SUGP1: variants seen among roughly 807,000 people sequenced by gnomAD.
The protein encoded by SUGP1 is SURP and G-patch domain-containing protein 1.
A neutral mutation model predicts 76.5 loss-of-function variants in SUGP1; 34 were observed. The observed-to-expected ratio is 0.44, with a 90% CI of 0.34 to 0.59. The LOEUF (loss-of-function observed/expected upper bound fraction) is 0.59. Among genes scored for constraint, SUGP1 ranks in the 20% least tolerant of loss-of-function variants. The pLI, the probability that SUGP1 is intolerant of heterozygous loss-of-function variation, is 0.01. For synonymous variants in SUGP1, 326 were observed against 326.2 expected, an observed-to-expected ratio of 1.00 and a Z score of 0.01; for missense variants, 752 against 851.7, an observed-to-expected ratio of 0.88 and a Z score of 1.46.
rs953209121 is a variant in SUGP1, at chr19:19,310,058, T to C, written c.310+39A>G. 1.9e-6 allele frequency: 3 copies of C among 1,550,704 alleles called. No homozygotes were observed. The African/African-American group carries it at 4.1e-5, about 21-fold the overall frequency. Reference sequence around the variant, plus strand: ...TGTGCCCAGCAACCCCAGGGGGAGATGCAAGGACAGCACAAGGAAAGGGGA... The same window carrying C: ...TGTGCCCAGCAACCCCAGGGGGAGACGCAAGGACAGCACAAGGAAAGGGGA... On this transcript the variant is annotated intron_variant, in intron 3 of 13. Coordinates refer to ENST00000247001, the MANE Select transcript of SUGP1 (RefSeq NM_172231.4).
chr19:19,308,687 C>A (rs1163732834), intron 3 of SUGP1, among the ~76,000 whole-genome samples: 1 of 152,238 alleles, frequency 6.6e-6, no homozygotes, highest in Non-Finnish European at 1.5e-5. Flanking sequence ...ACCTGCTCAC[C>A]CCTGCTGGTG....
intron 7 of SUGP1, among the ~76,000 whole-genome samples, chr19:19,298,359 G>A (rs369733798): frequency 3.9e-5 from 6 of 152,268 alleles, no homozygotes; most frequent in African/African-American, 1.4e-4. Context: ...TTAGCTGGGC[G>A]TGGTGGTACA....
intron 3 of SUGP1, among the ~76,000 whole-genome samples, chr19:19,309,648 C>T (rs184698565): frequency 2.6e-5 from 4 of 152,272 alleles, no homozygotes; most frequent in African/African-American, 9.6e-5. Context: ...CAGTGGCTCA[C>T]GCCTGTAATC....
intron 7 of SUGP1, among the ~76,000 whole-genome samples, chr19:19,298,070 T>A (rs189934420): frequency 7.2e-5 from 11 of 152,316 alleles, no homozygotes; most frequent in Non-Finnish European, 1.5e-4. Flanking sequence ...TGAATGCATG[T>A]ACAGCCCTGA....
At chr19:19,277,196 GCA>G in intron 12 of SUGP1, 120 bp from the exon 13 acceptor site, 1 of 967,226 alleles carries the variant, frequency 1.0e-6, no homozygotes, top group Admixed American at 3.2e-5. Context: ...GGACATATCT[GCA>G]CAGAGAGAAG....
intron 8 of SUGP1, among the ~76,000 whole-genome samples, chr19:19,281,766 A>G (rs540188507): frequency 9.8e-5 from 15 of 152,326 alleles, no homozygotes; most frequent in African/African-American, 3.4e-4. Context: ...GTGGGGCACC[A>G]TATGACATGA....
intron 8 of SUGP1, among the ~76,000 whole-genome samples, chr19:19,290,302 T>C (rs1461769786): frequency 2.0e-5 from 3 of 152,144 alleles, no homozygotes; most frequent in Admixed American, 6.5e-5. Context: ...CAAGGAGAAC[T>C]GAGTGTGCTT....
intron 7 of SUGP1, among the ~76,000 whole-genome samples, chr19:19,301,363 T>C (rs533037412): frequency 1.5e-3 from 235 of 152,222 alleles, no homozygotes; most frequent in Non-Finnish European, 2.6e-3. Flanking sequence ...CCAGCCCCCA[T>C]GTTCCCTCAG....
chr19:19,316,498 G>A lies in SUGP1; in HGVS notation c.130C>T (p.Arg44Trp), dbSNP rs773051132. Residue 44 changes from arginine to tryptophan, a missense_variant, in exon 2 of 14, where the codon CGG becomes TGG. Arg to Trp is a moderately radical substitution (Grantham distance 101). Transcript: ENST00000247001. Reference protein sequence around the residue: ...HQEELIAQKKREIEAKMEQKA... With the variant: ...HQEELIAQKKWEIEAKMEQKA... The stretch of plus-strand genomic sequence containing the variant: ...TGTTCCATTTTGGCTTCAATTTCCC[G>A]TTTCTTCTGAGCGATGAGCTCTTCC... 2.2e-5 allele frequency: 36 copies of A among 1,613,662 alleles called. No individual in the cohort carries two copies. Among genetic ancestry groups the A allele is most frequent in the South Asian group, 3.3e-5 (3 of 91,074 alleles).
At chr19:19,308,149 GC>G (rs1391859682) in intron 3 of SUGP1, among the ~76,000 whole-genome samples, 2 of 152,034 alleles carry the variant, frequency 1.3e-5, no homozygotes, top group Admixed American at 6.6e-5. Context: ...ACCCATCTCA[GC>G]CCCCCCATTA....
At chr19:19,306,977 C>T (rs942613819) in intron 3 of SUGP1, among the ~76,000 whole-genome samples, 1 of 152,102 alleles carries the variant, frequency 6.6e-6, no homozygotes, top group Non-Finnish European at 1.5e-5. Context: ...AATTGGCCAG[C>T]TCACCACCCT....
intron 3 of SUGP1, among the ~76,000 whole-genome samples, chr19:19,308,714 G>A (rs968157712): frequency 6.6e-6 from 1 of 152,248 alleles, no homozygotes; most frequent in Admixed American, 6.5e-5. Context: ...AGCTGACCCA[G>A]CTTGGGGATG....
rs564662328 is a variant in SUGP1, at chr19:19,296,708, C to T, written c.1243+281G>A. ...CAGAATTGCAATAGGCCCAGCAATT[C>T]CACACCTAGGTATACCGACAAGAGA... On this transcript the variant is annotated intron_variant, in intron 8 of 13. Transcript: ENST00000247001. Among the ~76,000 whole-genome samples, 11 of 151,976 alleles carry T rather than the reference C, an allele frequency of 7.2e-5. No homozygotes were observed. In the East Asian group the frequency reaches 2.1e-3, roughly 29 times the overall value.
At position 19,320,498 on chromosome 19, in the gene SUGP1, C is replaced by T. The variant is rs1008091186; in HGVS notation, c.-2G>A. 6.2e-7 allele frequency: 1 copy of T among 1,610,032 alleles called. No homozygotes were observed. Among genetic ancestry groups the T allele is most frequent in the South Asian group, 1.1e-5 (1 of 89,696 alleles). Reference sequence around the variant, plus strand: ...CCGGTTGTCCATCTTGAGACTCATCCAATCCCACAATGCTCCGGCGCCCCT... The same window carrying T: ...CCGGTTGTCCATCTTGAGACTCATCTAATCCCACAATGCTCCGGCGCCCCT... On this transcript the variant is annotated 5_prime_UTR_variant, in exon 1 of 14. Coordinates refer to ENST00000247001, the MANE Select transcript of SUGP1 (RefSeq NM_172231.4).
chr19:19,310,046 C>G (rs1379328294), intron 3 of SUGP1, 51 bp downstream of exon 3: 2 of 1,482,164 alleles, frequency 1.3e-6, no homozygotes, highest in East Asian at 2.3e-5. Flanking sequence ...GCCCAGCAAC[C>G]CCAGGGGGAG....
intron 8 of SUGP1, among the ~76,000 whole-genome samples, chr19:19,289,309 G>A (rs1389827744): frequency 3.3e-5 from 5 of 151,964 alleles, no homozygotes; most frequent in African/African-American, 1.2e-4. Context: ...GACCAAAATG[G>A]TGTCATACAG....
intron 7 of SUGP1, 22 bp from the exon 8 acceptor site, chr19:19,297,366 T>C: frequency 7.1e-7 from 1 of 1,411,810 alleles, no homozygotes; most frequent in Non-Finnish European, 9.5e-7. Flanking sequence ...AGTTGGGGGG[T>C]GCAGTGTCAG....
intron 7 of SUGP1, among the ~76,000 whole-genome samples, chr19:19,298,092 A>C (rs981559613): frequency 6.6e-6 from 1 of 152,250 alleles, no homozygotes; most frequent in Non-Finnish European, 1.5e-5. Context: ...AGCATGTTAC[A>C]GTGCTGAACA....
chr19:19,306,352 G>A (rs2061317951), intron 3 of SUGP1, among the ~76,000 whole-genome samples: 2 of 152,320 alleles, frequency 1.3e-5, no homozygotes, highest in South Asian at 4.1e-4. Flanking sequence ...CCCACAGACT[G>A]GGGACAGTTC....
Sources: gnomAD v4.1 joint callset for allele counts (sites outside exome capture counted in the v4.1 genomes callset) on GRCh38, gnomAD v4.1.1 for gene constraint, MANE v1.5 for transcripts, NCBI Gene and HGNC (gene_info 2026-07-23, HGNC 2026-07-21) for gene names.